CDKAL1: variants seen among roughly 807,000 people sequenced by gnomAD.
CDKAL1 encodes threonylcarbamoyladenosine tRNA methylthiotransferase.
In CDKAL1, 32 loss-of-function variants were observed where a neutral mutation model predicts 68.2. The ratio of observed to expected loss-of-function variants is 0.47; its 90% CI spans 0.35 to 0.63. The LOEUF is 0.63. Among genes scored for constraint, CDKAL1 ranks in the 30% least tolerant of loss-of-function variants. CDKAL1 has a pLI of 0.00. For synonymous variants in CDKAL1, 234 were observed against 244.3 expected (o/e 0.96, Z 0.39); for missense variants, 606 against 696.7 (o/e 0.87, Z 1.47).
chr6:20,849,930 A>G lies in CDKAL1; in HGVS notation c.742+3752A>G, dbSNP rs148795258. Among the ~76,000 whole-genome samples the G allele has an allele frequency of 4.4e-4, 67 of 152,320 alleles. 1 individual carries two copies. Among genetic ancestry groups the G allele is most frequent in the African/African-American group, 1.5e-3 (64 of 41,580 alleles). ...TAGCATTGTCTTTTTTCTGCAAAAG[A>G]CATTGAGATTTTAATGCTGTTATAG... is the stretch of plus-strand genomic sequence containing the variant. On this transcript the variant is annotated intron_variant, in intron 9 of 15. Coordinates refer to ENST00000274695, the MANE Select transcript of CDKAL1 (RefSeq NM_017774.3).
At chr6:20,736,325 A>C (rs1399041152) in intron 5 of CDKAL1, among the ~76,000 whole-genome samples, 2 of 152,148 alleles carry the variant, frequency 1.3e-5, no homozygotes, top group African/African-American at 4.8e-5. Context: ...GCAAAGCTGA[A>C]AGTTTTGACT....
At chr6:20,576,430 T>C (rs138234800) in intron 4 of CDKAL1, among the ~76,000 whole-genome samples, 6 of 152,200 alleles carry the variant, frequency 3.9e-5, no homozygotes, top group South Asian at 2.1e-4. Flanking sequence ...AGGAGAACAA[T>C]TGGTGTTTCA....
chr6:20,945,351 T>G (rs1479783466), intron 9 of CDKAL1, among the ~76,000 whole-genome samples: 1 of 152,170 alleles, frequency 6.6e-6, no homozygotes, highest in Non-Finnish European at 1.5e-5. Flanking sequence ...TTCCATAATT[T>G]GAAAAAAATC....
chr6:21,042,835 A>G (rs756121462), intron 11 of CDKAL1, among the ~76,000 whole-genome samples: 1 of 152,102 alleles, frequency 6.6e-6, no homozygotes, highest in South Asian at 2.1e-4. Context: ...CTTGTTAGCT[A>G]TATTACGATA....
chr6:20,636,824 G>A (rs1767924040), intron 4 of CDKAL1, among the ~76,000 whole-genome samples: 1 of 152,110 alleles, frequency 6.6e-6, no homozygotes, highest in African/African-American at 2.4e-5. Flanking sequence ...ATCATCTGAG[G>A]TCAGGAGTTC....
chr6:20,819,924 T>C (rs1177282763), intron 8 of CDKAL1, among the ~76,000 whole-genome samples: 2 of 152,146 alleles, frequency 1.3e-5, no homozygotes, highest in Non-Finnish European at 2.9e-5. Context: ...GCCAACCGCT[T>C]TCAGTGATGC....
intron 4 of CDKAL1, among the ~76,000 whole-genome samples, chr6:20,585,733 G>C (rs1249775913): frequency 6.6e-6 from 1 of 152,082 alleles, no homozygotes; most frequent in Non-Finnish European, 1.5e-5. Context: ...CATCTTTGCT[G>C]GTTCCTTCTT....
intron 13 of CDKAL1, among the ~76,000 whole-genome samples, chr6:21,125,729 C>T (rs902048658): frequency 3.3e-5 from 5 of 152,298 alleles, no homozygotes; most frequent in East Asian, 3.9e-4. Flanking sequence ...TACCCAGTCT[C>T]GGGCAGTTCT....
intron 9 of CDKAL1, among the ~76,000 whole-genome samples, chr6:20,897,106 G>A (rs1761729872): frequency 6.6e-6 from 1 of 152,030 alleles, no homozygotes; most frequent in African/African-American, 2.4e-5. Context: ...TTCAAAAATG[G>A]TCCCTTCTAG....
chr6:21,225,377 C>T (rs1286281199), intron 15 of CDKAL1, among the ~76,000 whole-genome samples: 2 of 152,138 alleles, frequency 1.3e-5, no homozygotes, highest in East Asian at 1.9e-4. Flanking sequence ...TCACAATGGA[C>T]GTAGCTTCTT....
intron 5 of CDKAL1, among the ~76,000 whole-genome samples, chr6:20,683,520 C>A (rs531224081): frequency 2.0e-5 from 3 of 152,196 alleles, no homozygotes; most frequent in Admixed American, 1.3e-4. Flanking sequence ...CAAAATGATT[C>A]TTTTATTTCT....
At position 21,074,149 on chromosome 6, in the gene CDKAL1, C is replaced by T. The variant is rs181244761; in HGVS notation, c.1236+8921C>T. ...TATTATCTGACGATTCTAGAGGCTA[C>T]AAGTACAAAGAAAAGCCTCTTCTCC... is the stretch of plus-strand genomic sequence containing the variant. On this transcript the variant is annotated intron_variant, in intron 12 of 15. Coordinates refer to ENST00000274695, the MANE Select transcript of CDKAL1 (RefSeq NM_017774.3). Among the ~76,000 whole-genome samples the T allele has an allele frequency of 3.9e-3, 589 of 152,310 alleles. 6 individuals carry two copies. Among genetic ancestry groups the T allele is most frequent in the African/African-American group, 0.013 (541 of 41,574 alleles).
intron 6 of CDKAL1, among the ~76,000 whole-genome samples, chr6:20,757,379 G>A (rs1774264871): frequency 6.6e-6 from 1 of 152,120 alleles, no homozygotes; most frequent in South Asian, 2.1e-4. Context: ...CATCCATACA[G>A]AGAGATAGTA....
intron 11 of CDKAL1, among the ~76,000 whole-genome samples, chr6:21,064,456 TA>T (rs1771313308): frequency 6.6e-6 from 1 of 152,212 alleles, no homozygotes. Flanking sequence ...TAGAAAACAG[TA>T]TTGATTTTTG....
intron 9 of CDKAL1, among the ~76,000 whole-genome samples, chr6:20,867,751 C>A (rs1759984228): frequency 6.6e-6 from 1 of 152,148 alleles, no homozygotes; most frequent in Non-Finnish European, 1.5e-5. Context: ...ACATTTCATT[C>A]CTCTCCAAGG....
intron 4 of CDKAL1, among the ~76,000 whole-genome samples, chr6:20,630,807 C>G (rs1211127679): frequency 6.6e-6 from 1 of 152,138 alleles, no homozygotes; most frequent in Non-Finnish European, 1.5e-5. Context: ...CACCTCTTTG[C>G]AAGTCACAAC....
At chr6:21,075,310 G>C (rs1044597483) in intron 12 of CDKAL1, among the ~76,000 whole-genome samples, 3 of 145,478 alleles carry the variant, frequency 2.1e-5, no homozygotes. Context: ...ATAAATATTA[G>C]CATTAATATA....
At chr6:20,637,217 C>T (rs1351263524) in intron 4 of CDKAL1, among the ~76,000 whole-genome samples, 3 of 151,964 alleles carry the variant, frequency 2.0e-5, no homozygotes. Context: ...CAGAGTATAG[C>T]TCGTGCATAG....
chr6:20,962,149 AT>A lies in CDKAL1; in HGVS notation c.909+6566del, dbSNP rs567139849. ...AAACAAGTTATATATTTTTAAACAT[AT>A]TACTTTGTAAAATATTGCCAAACAA... On this transcript the variant is annotated intron_variant, in intron 10 of 15. Transcript: ENST00000274695. Among the ~76,000 whole-genome samples, 698 of 152,350 alleles carry A rather than the reference AT, an allele frequency of 4.6e-3. 1 individual carries two copies. Among genetic ancestry groups the A allele is most frequent in the Middle Eastern group, 0.01 (3 of 294 alleles).
Sources: gnomAD v4.1 joint callset for allele counts (sites outside exome capture counted in the v4.1 genomes callset) on GRCh38, gnomAD v4.1.1 for gene constraint, MANE v1.5 for transcripts, NCBI Gene and HGNC (gene_info 2026-07-23, HGNC 2026-07-21) for gene names.